The following ZBTB7C variants were observed in gnomAD, a reference collection of about 807,000 sequenced individuals.
ZBTB7C encodes the protein zinc finger and BTB domain-containing protein 7C.
Under a neutral mutation model 25.7 loss-of-function variants are expected in ZBTB7C, and 8 were observed. That is an observed-to-expected ratio of 0.31 (90% confidence interval 0.18 to 0.56). The LOEUF (loss-of-function observed/expected upper bound fraction) is 0.56. Among genes scored for constraint, ZBTB7C ranks in the 20% least tolerant of loss-of-function variants. The pLI is 0.91. For missense variants in ZBTB7C, 824 were observed against 855.2 expected (o/e 0.96, Z 0.46); for synonymous variants, 394 against 369.0 (o/e 1.07, Z -0.78).
intron 2 of ZBTB7C, among the ~76,000 whole-genome samples, chr18:48,256,608 T>C (rs1482164845): frequency 6.6e-6 from 1 of 151,862 alleles, no homozygotes; most frequent in Non-Finnish European, 1.5e-5. Context: ...AATGGTTTTG[T>C]GCATTTATAT....
chr18:48,049,780 T>C (rs2036611309), intron 3 of ZBTB7C, among the ~76,000 whole-genome samples: 1 of 152,208 alleles, frequency 6.6e-6, no homozygotes, highest in East Asian at 1.9e-4. Flanking sequence ...CCTTCAAGAA[T>C]AGAACTGTTG....
In ZBTB7C at chr18:48,390,245, G is replaced by T. The variant is rs555776947; in HGVS notation, c.-304+18981C>A. Among the ~76,000 whole-genome samples, 3 of 152,078 alleles carry T rather than the reference G, an allele frequency of 2.0e-5. No individual in the cohort carries two copies. In the South Asian group the frequency reaches 6.2e-4, roughly 31 times the overall value. ...TAATATTTTAATATTCATTGTTCCA[G>T]ACTTTTTTAATACATGGATACATTT... On this transcript the variant is annotated intron_variant, in intron 1 of 4. Coordinates refer to ENST00000590800, the MANE Select transcript of ZBTB7C (RefSeq NM_001318841.2).
chr18:48,247,482 G>A (rs1348961343), intron 2 of ZBTB7C, among the ~76,000 whole-genome samples: 1 of 152,200 alleles, frequency 6.6e-6, no homozygotes, highest in Non-Finnish European at 1.5e-5. Flanking sequence ...TAAATCAGAT[G>A]TCTGTTTCAT....
At chr18:48,081,999 T>C (rs1243361918) in intron 3 of ZBTB7C, among the ~76,000 whole-genome samples, 3 of 152,166 alleles carry the variant, frequency 2.0e-5, no homozygotes, top group African/African-American at 7.2e-5. Flanking sequence ...AATGTGACTA[T>C]GAGGAACATT....
chr18:48,107,923 A>T (rs1240045588), intron 3 of ZBTB7C, among the ~76,000 whole-genome samples: 2 of 152,192 alleles, frequency 1.3e-5, no homozygotes, highest in Non-Finnish European at 2.9e-5. Context: ...CCTTGCTCTC[A>T]AAAGAAGCCA....
chr18:48,176,479 T>G (rs1366015164), intron 3 of ZBTB7C, among the ~76,000 whole-genome samples: 4 of 152,154 alleles, frequency 2.6e-5, no homozygotes, highest in African/African-American at 9.7e-5. Flanking sequence ...AAGAATAGAT[T>G]AGATTAAAGT....
At chr18:48,260,682 A>G (rs866636647) in intron 2 of ZBTB7C, among the ~76,000 whole-genome samples, 1 of 152,184 alleles carries the variant, frequency 6.6e-6, no homozygotes, top group East Asian at 1.9e-4. Flanking sequence ...GCTCTGACTC[A>G]TATCTGGTGC....
At chr18:48,165,223 GCCT>G in intron 3 of ZBTB7C, 2 of 823,852 alleles carry the variant, frequency 2.4e-6, no homozygotes, top group Non-Finnish European at 3.6e-6. Context: ...AGAGCTCCCA[GCCT>G]CCTGTTGGCC....
chr18:48,338,832 G>A (rs1294763900), intron 1 of ZBTB7C, among the ~76,000 whole-genome samples: 2 of 151,558 alleles, frequency 1.3e-5, no homozygotes, highest in Non-Finnish European at 2.9e-5. Context: ...AGAAGTGCAA[G>A]GACACGTTTA....
At position 48,154,887 on chromosome 18, in the gene ZBTB7C, T is replaced by C. The variant is rs147191006; in HGVS notation, c.-17+31047A>G. Among the ~76,000 whole-genome samples the C allele has an allele frequency of 5.8e-3, 886 of 152,326 alleles. 14 individuals are homozygous for C. The highest frequency in any genetic ancestry group is 0.019 in the African/African-American group (795 of 41,570). ...AAATGCTCAAGTCCTAGTCTCTTTA[T>C]GGGAATTGTTTAAAAGATCTGAAGA... On this transcript the variant is annotated intron_variant, in intron 3 of 4. Transcript: ENST00000590800.
rs565215226 is a variant in ZBTB7C, at chr18:48,350,767, A to G, written c.-303-12369T>C. 1.2e-4 allele frequency among the ~76,000 whole-genome samples: 19 copies of G among 152,310 alleles called. No homozygotes were observed. The South Asian group carries it at 3.9e-3, about 32-fold the overall frequency. On this transcript the variant is annotated intron_variant, in intron 1 of 4. Coordinates refer to ENST00000590800, the MANE Select transcript of ZBTB7C (RefSeq NM_001318841.2). ...TATGCCTAAAGCAATAGCAGTATGT[A>G]TAATTTTTACACCCATGGTACAGTA...
At chr18:48,077,061 GCAAA>G (rs1568199108) in intron 3 of ZBTB7C, 1 of 372,922 alleles carries the variant, frequency 2.7e-6, no homozygotes. Flanking sequence ...GTTGTTATAT[GCAAA>G]AAAAAAAAAA....
intron 3 of ZBTB7C, among the ~76,000 whole-genome samples, chr18:48,181,833 A>T (rs2041932577): frequency 6.6e-6 from 1 of 152,244 alleles, no homozygotes; most frequent in Non-Finnish European, 1.5e-5. Context: ...TATGCATGTT[A>T]GATGTGTCTA....
At chr18:48,125,897 CTT>C (rs966652838) in intron 3 of ZBTB7C, among the ~76,000 whole-genome samples, 84 of 152,300 alleles carry the variant, frequency 5.5e-4, no homozygotes, top group African/African-American at 1.9e-3. Context: ...GTGCAACTCT[CTT>C]TACCTAGTGT....
intron 1 of ZBTB7C, chr18:48,364,218 G>C (rs1166461498): frequency 6.6e-6 from 1 of 152,238 alleles, no homozygotes; most frequent in Non-Finnish European, 1.5e-5. Flanking sequence ...GGGGGTGCTG[G>C]AGACACAAAG....
chr18:48,278,077 C>A (rs2044720177), intron 2 of ZBTB7C, among the ~76,000 whole-genome samples: 1 of 152,162 alleles, frequency 6.6e-6, no homozygotes, highest in Non-Finnish European at 1.5e-5. Flanking sequence ...GGTTATGTTT[C>A]CCTCCCCCTG....
chr18:48,074,202 C>T (rs1054449609), intron 3 of ZBTB7C, among the ~76,000 whole-genome samples: 39 of 152,052 alleles, frequency 2.6e-4, no homozygotes, highest in African/African-American at 3.6e-4. Flanking sequence ...TTAGTAGAGA[C>T]GGGGTTTCAC....
chr18:48,214,729 T>C (rs539402674), intron 2 of ZBTB7C, among the ~76,000 whole-genome samples: 1 of 152,356 alleles, frequency 6.6e-6, no homozygotes, highest in African/African-American at 2.4e-5. Context: ...AACCCCAATT[T>C]TGGGGTTTAC....
intron 2 of ZBTB7C, among the ~76,000 whole-genome samples, chr18:48,301,336 G>T (rs561926352): frequency 6.6e-6 from 1 of 152,236 alleles, no homozygotes; most frequent in South Asian, 2.1e-4. Flanking sequence ...AAAATTAGCC[G>T]AGTGTGGTGG....
Sources: allele counts gnomAD v4.1 joint callset (sites outside exome capture counted in the v4.1 genomes callset), GRCh38; gene constraint gnomAD v4.1.1; transcripts MANE v1.5; gene names NCBI Gene and HGNC (gene_info 2026-07-23, HGNC 2026-07-21).